The following PCDHGB3 variants were observed in gnomAD, a reference collection of about 807,000 sequenced individuals.
PCDHGB3 encodes protocadherin gamma subfamily B, 3, also known as protocadherin gamma-B3.
A neutral mutation model predicts 59.2 loss-of-function variants in PCDHGB3; 40 were observed. The ratio of observed to expected loss-of-function variants is 0.68; its 90% CI spans 0.52 to 0.88. PCDHGB3 has a LOEUF of 0.88. Among genes scored for constraint, PCDHGB3 ranks in the 40% least tolerant of loss-of-function variants. The pLI is 0.00. For missense variants in PCDHGB3, 1,309 were observed against 1,187.9 expected (o/e 1.10, Z -1.50); for synonymous variants, 581 against 503.6 (o/e 1.15, Z -2.06).
At position 141,431,869 on chromosome 5, in the gene PCDHGB3, T is replaced by C. The variant is rs140856757; in HGVS notation, c.2415+59060T>C. ...GAGGGACATTAATTGCCCTTTTAAA[T>C]GTAAATGACCAAGATTCTGAGGAAA... is the stretch of plus-strand genomic sequence containing the variant. On this transcript the variant is annotated intron_variant, in intron 1 of 3. Transcript: ENST00000576222. The surrounding 1 kb of genome is among the most constrained non-coding windows in gnomAD (Gnocchi z 4.8). 8.5e-4 allele frequency: 1,376 copies of C among 1,614,252 alleles called. 2 individuals carry two copies. Among genetic ancestry groups the C allele is most frequent in the Non-Finnish European group, 1.1e-3 (1,291 of 1,180,028 alleles).
chr5:141,394,358 T>C (rs535265859), intron 1 of PCDHGB3: 13 of 1,614,188 alleles, frequency 8.1e-6, no homozygotes, highest in Middle Eastern at 1.6e-4. Flanking sequence ...GTGTCCTGTA[T>C]GCGCTGCAAT....
intron 1 of PCDHGB3, chr5:141,393,005 C>T: frequency 6.2e-7 from 1 of 1,613,866 alleles, no homozygotes; most frequent in Non-Finnish European, 8.5e-7. Context: ...AGCACGGAGT[C>T]CGTATCGTCT....
chr5:141,435,409 G>A (rs1387678336), intron 1 of PCDHGB3, among the ~76,000 whole-genome samples: 1 of 152,066 alleles, frequency 6.6e-6, no homozygotes, highest in African/African-American at 2.4e-5. Context: ...AAATGGTAAA[G>A]ACTATTTTTC....
In PCDHGB3 at chr5:141,511,086, G is replaced by A. The variant is rs2099883600; in HGVS notation, c.2703G>A (p.Leu901=). The A allele has an allele frequency of 1.2e-6, 2 of 1,614,062 alleles. No individual in the cohort carries two copies. The highest frequency in any genetic ancestry group is 2.2e-5 in the East Asian group (1 of 44,886). The change falls in exon 4 of 4, where the codon CTG becomes CTA. Residue 901 remains leucine (L), a synonymous_variant. Transcript: ENST00000576222. ...ACATCCCAGGCAGCAATGCCACACT[G>A]ACCAACGCAGCTGGCAAGCGGGATG... is the stretch of plus-strand genomic sequence containing the variant. The part of the protein sequence containing the change: ...NVYIPGSNAT[L]TNAAGKRDGK...
chr5:141,396,695 T>G (rs920549434), intron 1 of PCDHGB3: 1 of 152,226 alleles, frequency 6.6e-6, no homozygotes, highest in Non-Finnish European at 1.5e-5. Context: ...CATACCTTCT[T>G]GTAGCATTTG....
intron 1 of PCDHGB3, chr5:141,375,050 G>A: frequency 6.2e-7 from 1 of 1,614,046 alleles, no homozygotes; most frequent in Non-Finnish European, 8.5e-7. Flanking sequence ...TGAAGCCCGG[G>A]ATGGGCCAGG....
At chr5:141,478,920 C>A (rs559060283) in intron 1 of PCDHGB3, 1 of 728,392 alleles carries the variant, frequency 1.4e-6, no homozygotes. Context: ...ATACCTCTAA[C>A]CAGTGGCAGC....
At chr5:141,445,134 A>T (rs900226020) in intron 1 of PCDHGB3, among the ~76,000 whole-genome samples, 1 of 152,198 alleles carries the variant, frequency 6.6e-6, no homozygotes, top group East Asian at 1.9e-4. Context: ...TTAAAATTGT[A>T]TCTTCTAATT....
At chr5:141,376,318 G>C (rs373956139) in intron 1 of PCDHGB3, 6 of 1,614,200 alleles carry the variant, frequency 3.7e-6, no homozygotes, top group East Asian at 4.5e-5. Context: ...GCGTGGAAGG[G>C]GTTCGGGCTT....
chr5:141,376,315 A>T, intron 1 of PCDHGB3: 2 of 1,614,178 alleles, frequency 1.2e-6, no homozygotes, highest in Non-Finnish European at 1.7e-6. Flanking sequence ...TGGGCGTGGA[A>T]GGGGTTCGGG....
At chr5:141,464,278 G>GAAAA (rs2099080310) in intron 1 of PCDHGB3, among the ~76,000 whole-genome samples, 1 of 121,594 alleles carries the variant, frequency 8.2e-6, no homozygotes. Context: ...AAAAAAAAAA[G>GAAAA]CAAAAAAAAA....
chr5:141,381,823 CTTCTTT>C (rs1777514301), intron 1 of PCDHGB3, among the ~76,000 whole-genome samples: 1 of 101,610 alleles, frequency 9.8e-6, no homozygotes, highest in African/African-American at 4.3e-5. Flanking sequence ...TTTCTTTCTT[CTTCTTT>C]TTTTTTTTTT....
chr5:141,423,597 G>C, intron 1 of PCDHGB3: 1 of 1,613,188 alleles, frequency 6.2e-7, no homozygotes, highest in Non-Finnish European at 8.5e-7. Context: ...AGAAAAGCGA[G>C]CCACTCTTGA....
intron 1 of PCDHGB3, chr5:141,428,221 G>A (rs1314522513): frequency 5.9e-6 from 7 of 1,177,278 alleles, no homozygotes; most frequent in Non-Finnish European, 8.6e-6. Context: ...CCTAGTCTTC[G>A]CAGACAGCCT....
chr5:141,398,189 T>G (rs926901002), intron 1 of PCDHGB3: 3 of 1,482,238 alleles, frequency 2.0e-6, no homozygotes, highest in Middle Eastern at 2.3e-4. Context: ...TTTCTCTTCC[T>G]GCTGTCTTTG....
Position 141,476,301 on chromosome 5 carries a change from C to T in PCDHGB3, c.2416-18506C>T. On this transcript the variant is annotated intron_variant, in intron 1 of 3. Transcript: ENST00000576222. The surrounding 1 kb of genome is among the most constrained non-coding windows in gnomAD (Gnocchi z 7.6). ...CTTGGTTTGGATCTCGGTAGCCTCT[C>T]AGCCCGCAGGTTCCGGGTGGTGTCT... is the stretch of plus-strand genomic sequence containing the variant. The T allele has an allele frequency of 1.9e-6, 3 of 1,613,778 alleles. No homozygotes were observed. The highest frequency in any genetic ancestry group is 2.5e-6 in the Non-Finnish European group (3 of 1,179,908).
intron 1 of PCDHGB3, chr5:141,399,730 T>G: frequency 2.5e-6 from 4 of 1,613,266 alleles, no homozygotes; most frequent in Non-Finnish European, 8.5e-7. Context: ...CGACCAGGGC[T>G]CGCCTGCGCT....
At chr5:141,436,486 C>A (rs2097826645) in intron 1 of PCDHGB3, among the ~76,000 whole-genome samples, 1 of 152,152 alleles carries the variant, frequency 6.6e-6, no homozygotes. Flanking sequence ...AGAAGGATAG[C>A]AGCTTTGCAA....
chr5:141,400,543 T>C (rs2094038969), intron 1 of PCDHGB3: 1 of 1,613,794 alleles, frequency 6.2e-7, no homozygotes. Flanking sequence ...CATTTATGTC[T>C]ATTCTTTTTC....
Sources: gnomAD v4.1 joint callset for allele counts (sites outside exome capture counted in the v4.1 genomes callset) on GRCh38, gnomAD v4.1.1 for gene constraint, Gnocchi (gnomAD v3.1) non-coding constraint, MANE v1.5 for transcripts, NCBI Gene and HGNC (gene_info 2026-07-23, HGNC 2026-07-21) for gene names.